The following KIF16B variants were observed in gnomAD, a reference collection of about 807,000 sequenced individuals.
The protein encoded by KIF16B is kinesin-like protein KIF16B.
Under a neutral mutation model 156.3 loss-of-function variants are expected in KIF16B, and 98 were observed. The observed-to-expected ratio is 0.63, with a 90% CI of 0.53 to 0.74. KIF16B has a LOEUF of 0.74. Among genes scored for constraint, KIF16B ranks in the 30% least tolerant of loss-of-function variants. The pLI is 0.00. For missense variants in KIF16B, 1,421 were observed against 1,606.5 expected, an observed-to-expected ratio of 0.88 and a Z score of 1.97; for synonymous variants, 564 against 583.7, an observed-to-expected ratio of 0.97 and a Z score of 0.49.
chr20:16,497,748 A>T, intron 10 of KIF16B, 70 bp from the exon 11 acceptor site: 1 of 1,161,484 alleles, frequency 8.6e-7, no homozygotes, highest in East Asian at 2.4e-5. Flanking sequence ...CCCTGAATAT[A>T]GTAAATTATC....
chr20:16,512,379 G>A (rs955550810), intron 5 of KIF16B, among the ~76,000 whole-genome samples: 5 of 152,118 alleles, frequency 3.3e-5, no homozygotes, highest in Admixed American at 1.3e-4. Context: ...TGAAACTACC[G>A]AAGAGACTGG....
intron 15 of KIF16B, among the ~76,000 whole-genome samples, chr20:16,416,937 C>T (rs1227216995): frequency 6.6e-6 from 1 of 152,058 alleles, no homozygotes; most frequent in Non-Finnish European, 1.5e-5. Flanking sequence ...TTAGCAGCAA[C>T]AGTGGGCCCA....
rs117929691 is a variant in KIF16B at position 16,469,858 on chromosome 20, C to A, written c.1302+24433G>T. Among the ~76,000 whole-genome samples the A allele has an allele frequency of 3.1e-3, 478 of 152,186 alleles. 3 individuals carry two copies. Among genetic ancestry groups the A allele is most frequent in the East Asian group, 0.02 (103 of 5,168 alleles). ...AATGAGCTGAAAACGTATGTCTACA[C>A]AGAAACCTAAACACGGATGCGTACA... On this transcript the variant is annotated intron_variant, in intron 12 of 25. Coordinates refer to ENST00000354981, the MANE Select transcript of KIF16B (RefSeq NM_024704.5).
chr20:16,330,391 C>T (rs2063927057), intron 24 of KIF16B, among the ~76,000 whole-genome samples: 1 of 152,216 alleles, frequency 6.6e-6, no homozygotes, highest in Non-Finnish European at 1.5e-5. Flanking sequence ...TAAACTTTCT[C>T]ACTAGGGTGA....
chr20:16,425,106 T>G (rs1023174160), intron 15 of KIF16B, among the ~76,000 whole-genome samples: 3 of 152,102 alleles, frequency 2.0e-5, no homozygotes, highest in East Asian at 1.9e-4. Flanking sequence ...TGAACACACC[T>G]GGTTGCTAAA....
chr20:16,455,405 T>C (rs1237650598), intron 12 of KIF16B, among the ~76,000 whole-genome samples: 1 of 151,864 alleles, frequency 6.6e-6, no homozygotes, highest in African/African-American at 2.4e-5. Context: ...TTAAACATTA[T>C]CCTGCCCTTT....
chr20:16,286,257 G>A (rs1413455720), intron 25 of KIF16B, among the ~76,000 whole-genome samples: 1 of 152,084 alleles, frequency 6.6e-6, no homozygotes, highest in East Asian at 1.9e-4. Flanking sequence ...TTACCCATAG[G>A]GTAAATTCCT....
intron 25 of KIF16B, among the ~76,000 whole-genome samples, chr20:16,311,361 C>T (rs186238828): frequency 5.3e-5 from 8 of 152,132 alleles, no homozygotes; most frequent in South Asian, 4.2e-4. Context: ...TGGTGGTGCA[C>T]GCCTGTAATC....
intron 12 of KIF16B, among the ~76,000 whole-genome samples, chr20:16,457,834 C>G (rs888848694): frequency 6.6e-6 from 1 of 151,976 alleles, no homozygotes; most frequent in Non-Finnish European, 1.5e-5. Flanking sequence ...TTTAGCCACG[C>G]CGGCACACTG....
At chr20:16,347,255 A>C (rs959630368) in intron 23 of KIF16B, among the ~76,000 whole-genome samples, 1 of 152,234 alleles carries the variant, frequency 6.6e-6, no homozygotes, top group Non-Finnish European at 1.5e-5. Context: ...TGCAAAAGGG[A>C]AAGTTCAAAC....
At position 16,342,613 on chromosome 20, in the gene KIF16B, C is replaced by T. The variant is rs114442541; in HGVS notation, c.3622-6598G>A. The stretch of plus-strand genomic sequence containing the variant: ...AAAAAACTGCAGAGAATATGGTGCA[C>T]TCTCAATATATTTGTAACACGAGTT... On this transcript the variant is annotated intron_variant, in intron 23 of 25. Coordinates refer to ENST00000354981, the MANE Select transcript of KIF16B (RefSeq NM_024704.5). Among the ~76,000 whole-genome samples, 781 of 152,230 alleles carry T rather than the reference C, an allele frequency of 5.1e-3. 6 individuals carry two copies. The highest frequency in any genetic ancestry group is 0.017 in the African/African-American group (720 of 41,538).
At chr20:16,309,114 C>G (rs1265330144) in intron 25 of KIF16B, among the ~76,000 whole-genome samples, 1 of 152,132 alleles carries the variant, frequency 6.6e-6, no homozygotes. Context: ...CATTAGAAAT[C>G]TTCAAAGATT....
At chr20:16,385,004 C>T (rs1221478626) in intron 17 of KIF16B, among the ~76,000 whole-genome samples, 1 of 151,968 alleles carries the variant, frequency 6.6e-6, no homozygotes, top group Non-Finnish European at 1.5e-5. Context: ...TGAGACCAAC[C>T]TGGCCAACAC....
intron 12 of KIF16B, among the ~76,000 whole-genome samples, chr20:16,465,369 C>G (rs141769803): frequency 5.3e-5 from 8 of 152,184 alleles, no homozygotes; most frequent in Non-Finnish European, 1.0e-4. Context: ...CCTCTCAAGT[C>G]CTTGGAGATG....
intron 12 of KIF16B, among the ~76,000 whole-genome samples, chr20:16,451,783 TA>T (rs2067089097): frequency 6.6e-6 from 1 of 151,692 alleles, no homozygotes; most frequent in Non-Finnish European, 1.5e-5. Context: ...ACTTTTTTTT[TA>T]TTCAGGCCTT....
In KIF16B at chr20:16,379,183, T is replaced by C; in HGVS notation, c.2819A>G (p.Asn940Ser). The C allele has an allele frequency of 1.2e-6, 2 of 1,614,186 alleles. No individual in the cohort carries two copies. Among genetic ancestry groups the C allele is most frequent in the Non-Finnish European group, 1.7e-6 (2 of 1,180,038 alleles). The change falls in exon 19 of 26, where the codon AAC becomes AGC. Residue 940 changes from asparagine (N) to serine (S), a missense_variant. Physicochemically the swap from Asn to Ser is conservative, Grantham distance 46 (BLOSUM62 1). Coordinates refer to ENST00000354981, the MANE Select transcript of KIF16B (RefSeq NM_024704.5). ...ILDRGPLSLD[N>S]TLYQVEKEME... ...TTCCTTTTCTACTTGATAAAGAGTGTTGTCTAAGCTGAGAGGGCCTCTGTC... is the reference window on the plus strand; with the variant it reads ...TTCCTTTTCTACTTGATAAAGAGTGCTGTCTAAGCTGAGAGGGCCTCTGTC...
At chr20:16,320,358 T>C (rs1386530580) in intron 24 of KIF16B, among the ~76,000 whole-genome samples, 1 of 149,920 alleles carries the variant, frequency 6.7e-6, no homozygotes, top group African/African-American at 2.5e-5. Context: ...CTAAAGCTAT[T>C]CTAAAATGAA....
chr20:16,305,675 C>T (rs1437035420), intron 25 of KIF16B, among the ~76,000 whole-genome samples: 1 of 152,104 alleles, frequency 6.6e-6, no homozygotes, highest in Non-Finnish European at 1.5e-5. Flanking sequence ...TTCTCTTCAC[C>T]CACCTTCATC....
At position 16,389,769 on chromosome 20, in the gene KIF16B, C is replaced by T. The variant is rs142917070; in HGVS notation, c.1785-8022G>A. Among the ~76,000 whole-genome samples, 5 of 152,332 alleles carry T rather than the reference C, an allele frequency of 3.3e-5. No homozygotes were observed. In the East Asian group the frequency reaches 9.6e-4, roughly 29 times the overall value. ...AAGGCTAAGCAGAAAGCAGTTATTT[C>T]ACCCAGGGTAGGCTCTGGGAGACTG... On this transcript the variant is annotated intron_variant, in intron 17 of 25. Coordinates refer to ENST00000354981, the MANE Select transcript of KIF16B (RefSeq NM_024704.5).
Sources: allele counts gnomAD v4.1 joint callset (sites outside exome capture counted in the v4.1 genomes callset), GRCh38; gene constraint gnomAD v4.1.1; transcripts MANE v1.5; gene names NCBI Gene and HGNC (gene_info 2026-07-23, HGNC 2026-07-21).